The following CLCN6 variants were observed in gnomAD, a reference collection of about 807,000 sequenced individuals.
The protein encoded by CLCN6 is Cl-/H+ antiporter 6, also known as H(+)/Cl(-) exchange transporter 6.
In CLCN6, 70 loss-of-function variants were observed where a neutral mutation model predicts 109.8. That is an observed-to-expected ratio of 0.64 (90% CI 0.53 to 0.78). The LOEUF (loss-of-function observed/expected upper bound fraction) is 0.78. Ranked by LOEUF, CLCN6 falls within the 30% of genes least tolerant of loss-of-function variation. CLCN6 has a pLI of 0.00. For missense variants in CLCN6, 984 were observed against 1,142.3 expected (o/e 0.86, Z 2.00); for synonymous variants, 444 against 447.8 (o/e 0.99, Z 0.11).
intron 18 of CLCN6, among the ~76,000 whole-genome samples, chr1:11,836,545 T>C (rs2075538): frequency 0.1 from 15,270 of 152,108 alleles, 812 homozygotes; most frequent in South Asian, 0.16. Context: ...ACCAGAACCA[T>C]GTGCTGTGGG....
At chr1:11,816,726 G>T in intron 4 of CLCN6, 46 bp downstream of exon 4, 1 of 1,475,040 alleles carries the variant, frequency 6.8e-7, no homozygotes, top group South Asian at 1.2e-5. Context: ...AGGGCTGGAG[G>T]GGCTTACAGG....
In CLCN6 at chr1:11,829,235, G is replaced by T; in HGVS notation, c.1161G>T (p.Val387=). The T allele has an allele frequency of 1.2e-6, 2 of 1,614,138 alleles. No individual in the cohort carries two copies. Among genetic ancestry groups the T allele is most frequent in the Non-Finnish European group, 1.7e-6 (2 of 1,180,012 alleles). The change falls in exon 13 of 23, where the codon GTG becomes GTT. Residue 387 remains valine (V), a synonymous_variant. Coordinates refer to ENST00000346436, the MANE Select transcript of CLCN6 (RefSeq NM_001286.5). The stretch of plus-strand genomic sequence containing the variant: ...TCCTTGTGTCTCTGGTAACCACCGT[G>T]GTGGTGTTTGTGGCCTCGATGGTGT... ...ESLLVSLVTT[V]VVFVASMVLG... is the part of the protein sequence containing the mutation.
chr1:11,814,487 A>G (rs1644643078), intron 2 of CLCN6, among the ~76,000 whole-genome samples: 1 of 151,714 alleles, frequency 6.6e-6, no homozygotes, highest in Admixed American at 6.6e-5. Context: ...GCCTCAAGTG[A>G]TCCTCCTGCC....
chr1:11,821,156 A>G (rs1299330050), intron 5 of CLCN6, among the ~76,000 whole-genome samples: 1 of 152,192 alleles, frequency 6.6e-6, no homozygotes, highest in Non-Finnish European at 1.5e-5. Context: ...TATAAAGACA[A>G]AAACTCCAAA....
At chr1:11,832,608 G>A (rs1376918941) in intron 13 of CLCN6, among the ~76,000 whole-genome samples, 2 of 152,192 alleles carry the variant, frequency 1.3e-5, no homozygotes, top group African/African-American at 4.8e-5. Context: ...CACCTGGCGG[G>A]GTCACACAAA....
rs72864717 is a variant in CLCN6 at position 11,825,283 on chromosome 1, G to A, written c.648+730G>A. 3.0e-3 allele frequency among the ~76,000 whole-genome samples: 462 copies of A among 152,300 alleles called. 1 individual carries two copies. The highest frequency in any genetic ancestry group is 0.011 in the African/African-American group (444 of 41,560). On this transcript the variant is annotated intron_variant, in intron 8 of 22. Coordinates refer to ENST00000346436, the MANE Select transcript of CLCN6 (RefSeq NM_001286.5). ...GGGAAGATTCTTTCGTCCAGAGCTC[G>A]TCTTTTGGTCTCTCTCCTGCTACTG...
At chr1:11,816,702 G>T (rs772309052) in intron 4 of CLCN6, 22 bp downstream of exon 4, 4 of 1,603,910 alleles carry the variant, frequency 2.5e-6, no homozygotes, top group Non-Finnish European at 3.4e-6. Context: ...GGGCCTGGAG[G>T]GATGGTGGGC....
chr1:11,822,745 C>T lies in CLCN6; in HGVS notation c.397C>T (p.Leu133Phe), dbSNP rs1408266701. Residue 133 changes from leucine to phenylalanine, a missense_variant, in exon 6 of 23, where the codon CTC (leucine) becomes TTC (phenylalanine). Leu to Phe is a conservative substitution (Grantham distance 22). Coordinates refer to ENST00000346436, the MANE Select transcript of CLCN6 (RefSeq NM_001286.5). ...KGCLALSLLE[L>F]LGFNLTFVFL... is the part of the protein sequence containing the mutation. ...CTGCCTCGCTCTGTCTCTCCTTGAA[C>T]TCCTGGGTTTTAACCTCACCTTTGT... is the stretch of plus-strand genomic sequence containing the variant. 3 of 1,614,118 alleles carry T rather than the reference C, an allele frequency of 1.9e-6. No homozygotes were observed. The highest frequency in any genetic ancestry group is 2.2e-5 in the East Asian group (1 of 44,886).
chr1:11,822,672 T>C (rs767584287), intron 5 of CLCN6, 23 bp from the exon 6 acceptor site: 3 of 1,508,614 alleles, frequency 2.0e-6, no homozygotes, highest in African/African-American at 1.4e-5. Flanking sequence ...GATGAACAAG[T>C]TTCCTTAACC....
intron 2 of CLCN6, among the ~76,000 whole-genome samples, chr1:11,810,870 A>G (rs1359971327): frequency 2.0e-5 from 3 of 152,160 alleles, no homozygotes; most frequent in African/African-American, 7.2e-5. Context: ...GTTCAAGACC[A>G]TCCTGGGCAA....
At position 11,834,780 on chromosome 1, in the gene CLCN6, G is replaced by A. The variant is rs1233900114; in HGVS notation, c.1793+190G>A. Among the ~76,000 whole-genome samples, 1 of 152,188 alleles carries A rather than the reference G, an allele frequency of 6.6e-6. No homozygotes were observed. The highest frequency in any genetic ancestry group is 1.5e-5 in the Non-Finnish European group (1 of 68,026). ...TGGGGGCTGCGGGGGCAGGGCAGGG[G>A]ACACGGGCACTGTGGGACTGCAGTG... is the stretch of plus-strand genomic sequence containing the variant. On this transcript the variant is annotated intron_variant, in intron 17 of 22. Transcript: ENST00000346436. This position sits in a 1 kb window ranked among gnomAD's most constrained non-coding sequence, Gnocchi z 4.5.
chr1:11,811,056 C>A (rs55800247), intron 2 of CLCN6, among the ~76,000 whole-genome samples: 3 of 151,818 alleles, frequency 2.0e-5, no homozygotes, highest in African/African-American at 7.3e-5. Context: ...ACAACAAATA[C>A]GAAAAAATTA....
intron 6 of CLCN6, 75 bp downstream of exon 6, chr1:11,822,876 G>T: frequency 1.1e-6 from 1 of 922,120 alleles, no homozygotes; most frequent in South Asian, 1.3e-5. Flanking sequence ...CCTCCTTCCA[G>T]AATGTCAGGA....
chr1:11,824,656 T>G, intron 8 of CLCN6, 103 bp downstream of exon 8: 1 of 831,270 alleles, frequency 1.2e-6, no homozygotes, highest in Non-Finnish European at 1.8e-6. Flanking sequence ...CATTGGAACC[T>G]GGTGCCATTC....
chr1:11,830,799 C>T (rs994896352), intron 13 of CLCN6, among the ~76,000 whole-genome samples: 7 of 138,252 alleles, frequency 5.1e-5, no homozygotes, highest in Non-Finnish European at 1.1e-4. Context: ...CACACACACA[C>T]ACACACACAC....
At chr1:11,820,526 G>A (rs920024766) in intron 5 of CLCN6, 2 of 569,216 alleles carry the variant, frequency 3.5e-6, no homozygotes, top group African/African-American at 1.9e-5. Flanking sequence ...CAGCATTTTG[G>A]GAGGCAGAGG....
intron 1 of CLCN6, 80 bp downstream of exon 1, chr1:11,806,429 G>T (rs1172428004): frequency 3.1e-6 from 4 of 1,303,808 alleles, no homozygotes; most frequent in Non-Finnish European, 4.0e-6. Flanking sequence ...GTGGGGCCGG[G>T]CCAATCTGGG....
At position 11,840,604 on chromosome 1, in the gene CLCN6, C is replaced by G. The variant is rs927835832; in HGVS notation, c.*381C>G. 1.3e-5 allele frequency: 4 copies of G among 315,876 alleles called. No individual in the cohort carries two copies. Among genetic ancestry groups the G allele is most frequent in the Admixed American group, 4.0e-5 (1 of 24,898 alleles). 19.6% of individuals were successfully genotyped at this position (315,876 alleles called of 1,614,324 possible). On this transcript the variant is annotated 3_prime_UTR_variant, in exon 23 of 23. Transcript: ENST00000346436. Reference sequence around the variant, plus strand: ...ACTTTCCTAGAGAACCCGGCTGTTGCCTTAAATGTGTGAGAGGGACTTGGC... The same window carrying G: ...ACTTTCCTAGAGAACCCGGCTGTTGGCTTAAATGTGTGAGAGGGACTTGGC...
At chr1:11,823,346 G>A (rs566847435) in intron 6 of CLCN6, among the ~76,000 whole-genome samples, 2 of 151,950 alleles carry the variant, frequency 1.3e-5, no homozygotes, top group East Asian at 3.9e-4. Flanking sequence ...GCGTGGTGGC[G>A]CATGCCTGTA....
Sources: allele counts gnomAD v4.1 joint callset (sites outside exome capture counted in the v4.1 genomes callset), GRCh38; gene constraint gnomAD v4.1.1; non-coding constraint Gnocchi (gnomAD v3.1); transcripts MANE v1.5; gene names NCBI Gene and HGNC (gene_info 2026-07-23, HGNC 2026-07-21).